The following HHAT variants were observed in gnomAD, a reference collection of about 807,000 sequenced individuals.
HHAT encodes hedgehog acyltransferase, also known as protein-cysteine N-palmitoyltransferase HHAT.
A neutral mutation model predicts 70.8 loss-of-function variants in HHAT; 47 were observed. That is an observed-to-expected ratio of 0.66 (90% confidence interval 0.53 to 0.85). The LOEUF (loss-of-function observed/expected upper bound fraction) is 0.85. HHAT is among the 40% of genes least tolerant of loss of function. The probability of loss-of-function intolerance (pLI) is 0.00; values close to 1 mark genes in which losing one functional copy is unlikely to be tolerated. For synonymous variants in HHAT, 228 were observed against 247.6 expected (o/e 0.92, Z 0.74); for missense variants, 609 against 604.8 (o/e 1.01, Z -0.07).
At chr1:210,617,712 G>A (rs771122163) in intron 10 of HHAT, among the ~76,000 whole-genome samples, 4 of 152,244 alleles carry the variant, frequency 2.6e-5, no homozygotes, top group Non-Finnish European at 5.9e-5. Flanking sequence ...TCTAAACTAT[G>A]AGGAAGGTAA....
intron 9 of HHAT, 38 bp downstream of exon 9, chr1:210,513,226 A>G (rs4545340): frequency 0.74 from 739,863 of 1,002,986 alleles, 274,132 homozygotes; most frequent in Middle Eastern, 0.76. Flanking sequence ...ACATTGAATA[A>G]CATGTCTATT....
intron 9 of HHAT, among the ~76,000 whole-genome samples, chr1:210,586,862 A>G (rs931005148): frequency 6.6e-6 from 1 of 152,240 alleles, no homozygotes; most frequent in African/African-American, 2.4e-5. Flanking sequence ...ATTGAAGAAC[A>G]TAGTACTGTC....
intron 9 of HHAT, among the ~76,000 whole-genome samples, chr1:210,536,409 G>C (rs1324571998): frequency 6.6e-6 from 1 of 152,250 alleles, no homozygotes; most frequent in East Asian, 1.9e-4. Flanking sequence ...ACAGTTTCCT[G>C]CTGGGGAACC....
chr1:210,631,700 G>A (rs1320103089), intron 11 of HHAT, among the ~76,000 whole-genome samples: 2 of 152,212 alleles, frequency 1.3e-5, no homozygotes, highest in African/African-American at 2.4e-5. Flanking sequence ...ATGTAAGGGC[G>A]GCGCTGGAAA....
chr1:210,391,143 C>T (rs1435799554), intron 4 of HHAT, among the ~76,000 whole-genome samples: 2 of 152,012 alleles, frequency 1.3e-5, no homozygotes, highest in African/African-American at 4.8e-5. Flanking sequence ...CCCTTTTTAC[C>T]ACATTTACAC....
At chr1:210,655,492 G>A (rs112071166) in intron 11 of HHAT, among the ~76,000 whole-genome samples, 2,775 of 152,250 alleles carry the variant, frequency 0.018, 41 homozygotes, top group Middle Eastern at 0.061. Flanking sequence ...CCAGTGAGCA[G>A]GGCTGCTGTG....
chr1:210,338,022 G>A (rs1339452312), intron 1 of HHAT, among the ~76,000 whole-genome samples: 1 of 152,152 alleles, frequency 6.6e-6, no homozygotes, highest in Non-Finnish European at 1.5e-5. Flanking sequence ...TCAGTTTTAG[G>A]TAAATGTACT....
At chr1:210,464,682 G>T (rs1375619853) in intron 8 of HHAT, 27 bp downstream of exon 8, 1 of 1,613,462 alleles carries the variant, frequency 6.2e-7, no homozygotes, top group South Asian at 1.1e-5. Flanking sequence ...GCTAAAGTTG[G>T]TCAGGCATGT....
chr1:210,378,665 C>CT lies in HHAT; in HGVS notation c.160-8793dup, dbSNP rs145972867. 8.4e-3 allele frequency among the ~76,000 whole-genome samples: 1,254 copies of CT among 148,694 alleles called. 10 individuals are homozygous for CT. Among genetic ancestry groups the CT allele is most frequent in the African/African-American group, 0.026 (1,046 of 40,704 alleles). On this transcript the variant is annotated intron_variant, in intron 3 of 11. Coordinates refer to ENST00000261458, the MANE Select transcript of HHAT (RefSeq NM_018194.6). The stretch of plus-strand genomic sequence containing the variant: ...GATATCCATCACCTGAAACATTTAT[C>CT]TTTTTTTTTTGTATAGAGAACATTA...
At position 210,404,670 on chromosome 1, in the gene HHAT, C is replaced by G; in HGVS notation, c.675C>G (p.Phe225Leu). ...HNGPILSFSEFIKQMQQQEHD... is the reference protein window; with the variant it reads ...HNGPILSFSELIKQMQQQEHD... Reference sequence around the variant, plus strand: ...GGCCCATCCTCAGCTTCTCGGAGTTCATCAAACAGGTAGAGCCCGCTGGGG... The same window carrying G: ...GGCCCATCCTCAGCTTCTCGGAGTTGATCAAACAGGTAGAGCCCGCTGGGG... Residue 225 changes from phenylalanine (F) to leucine (L), a missense_variant, in exon 6 of 12, where the codon TTC becomes TTG. Physicochemically the swap from Phe to Leu is conservative, Grantham distance 22. Transcript: ENST00000261458. 1 of 1,613,246 alleles carries G rather than the reference C, an allele frequency of 6.2e-7. No individual in the cohort carries two copies. Among genetic ancestry groups the G allele is most frequent in the Non-Finnish European group, 8.5e-7 (1 of 1,179,336 alleles).
intron 9 of HHAT, among the ~76,000 whole-genome samples, chr1:210,582,571 A>G (rs1659508437): frequency 1.3e-5 from 2 of 152,222 alleles, no homozygotes; most frequent in Admixed American, 6.5e-5. Context: ...CGTTTACCAC[A>G]TGGATTGTTA....
chr1:210,379,052 C>T (rs2148108473), intron 3 of HHAT, among the ~76,000 whole-genome samples: 1 of 152,172 alleles, frequency 6.6e-6, no homozygotes, highest in South Asian at 2.1e-4. Flanking sequence ...TAGGAGCAGG[C>T]ACTAAGTGAG....
intron 9 of HHAT, among the ~76,000 whole-genome samples, chr1:210,531,657 T>C (rs2095315794): frequency 6.6e-6 from 1 of 152,238 alleles, no homozygotes; most frequent in African/African-American, 2.4e-5. Context: ...CCTAAGTTGT[T>C]ATCTCTTATC....
chr1:210,620,726 A>G (rs1216251393), intron 10 of HHAT, among the ~76,000 whole-genome samples: 1 of 152,174 alleles, frequency 6.6e-6, no homozygotes, highest in East Asian at 1.9e-4. Flanking sequence ...TGATTCTAAC[A>G]GGCTGTGCTT....
At chr1:210,663,656 C>T (rs1165896832) in intron 11 of HHAT, among the ~76,000 whole-genome samples, 1 of 152,174 alleles carries the variant, frequency 6.6e-6, no homozygotes, top group Non-Finnish European at 1.5e-5. Context: ...TAGTAGAATG[C>T]CCTTCCCCCT....
intron 11 of HHAT, among the ~76,000 whole-genome samples, chr1:210,640,615 C>A (rs1162443360): frequency 1.3e-5 from 2 of 152,098 alleles, no homozygotes; most frequent in African/African-American, 4.8e-5. Flanking sequence ...TGCCAAAGCC[C>A]TAACATGGAA....
At chr1:210,471,863 A>G (rs924288323) in intron 8 of HHAT, among the ~76,000 whole-genome samples, 3 of 152,250 alleles carry the variant, frequency 2.0e-5, no homozygotes, top group Non-Finnish European at 4.4e-5. Context: ...AAATTCTCCT[A>G]GCAATTTTCA....
At chr1:210,330,739 A>T (rs1452716638) in intron 1 of HHAT, among the ~76,000 whole-genome samples, 1 of 152,142 alleles carries the variant, frequency 6.6e-6, no homozygotes, top group African/African-American at 2.4e-5. Context: ...GGCACCAAGG[A>T]CCGGTTTCAT....
chr1:210,585,422 C>CT (rs202050770), intron 9 of HHAT, among the ~76,000 whole-genome samples: 1,654 of 151,848 alleles, frequency 0.011, 28 homozygotes, highest in African/African-American at 0.034. Context: ...GAACTGGACT[C>CT]TTTTTTTTGA....
Sources: gnomAD v4.1 joint callset for allele counts (sites outside exome capture counted in the v4.1 genomes callset) on GRCh38, gnomAD v4.1.1 for gene constraint, MANE v1.5 for transcripts, NCBI Gene and HGNC (gene_info 2026-07-23, HGNC 2026-07-21) for gene names.